Variants in ACIN1 observed in about 807,000 individuals in gnomAD.
The protein encoded by ACIN1 is apoptotic chromatin condensation inducer 1.
A neutral mutation model predicts 146.6 loss-of-function variants in ACIN1; 16 were observed. That is an observed-to-expected ratio of 0.11 (90% CI 0.07 to 0.17). The LOEUF is 0.17. Among genes scored for constraint, ACIN1 ranks in the 10% least tolerant of loss-of-function variants. The probability of loss-of-function intolerance (pLI) is 1.00; values close to 1 mark genes in which losing one functional copy is unlikely to be tolerated. For synonymous variants in ACIN1, 569 were observed against 582.7 expected (o/e 0.98, Z 0.34); for missense variants, 1,357 against 1,609.3 (o/e 0.84, Z 2.68).
chr14:23,073,445 T>A (rs1316283016), intron 8 of ACIN1, among the ~76,000 whole-genome samples: 2 of 152,204 alleles, frequency 1.3e-5, no homozygotes, highest in Non-Finnish European at 2.9e-5. Context: ...TTTGGGAGGC[T>A]GAGGTGGGCG....
At position 23,080,051 on chromosome 14, in the gene ACIN1, G is replaced by C; in HGVS notation, c.1284C>G (p.Thr428=). 6.2e-7 allele frequency: 1 copy of C among 1,614,100 alleles called. No individual in the cohort carries two copies. The highest frequency in any genetic ancestry group is 8.5e-7 in the Non-Finnish European group (1 of 1,180,010). The part of the protein sequence containing the change: ...GLSPLSSPSD[T]KAESPAEKVP... ...CTTTCTCTGCTGGAGATTCTGCTTTGGTGTCTGAAGGACTTGACAAAGGAG... is the reference window on the plus strand; with the variant it reads ...CTTTCTCTGCTGGAGATTCTGCTTTCGTGTCTGAAGGACTTGACAAAGGAG... The change falls in exon 6 of 19, where the codon ACC becomes ACG. Residue 428 remains threonine, a synonymous_variant. Transcript: ENST00000605057.
chr14:23,067,668 A>G lies in ACIN1; in HGVS notation c.2266-1660T>C. ...GCAGTCCCTGATGAGATGGCCTGTG[A>G]GTAGCAGGAATGATCCTTGCCTTTT... On this transcript the variant is annotated intron_variant, in intron 9 of 18. Coordinates refer to ENST00000605057, the MANE Select transcript of ACIN1 (RefSeq NM_001386863.1). The surrounding 1 kb of genome is among the most constrained non-coding windows in gnomAD (Gnocchi z 4.6). 1.0e-6 allele frequency: 1 copy of G among 985,890 alleles called. No individual in the cohort carries two copies. The highest frequency in any genetic ancestry group is 1.2e-6 in the Non-Finnish European group (1 of 829,966). 61.1% of individuals were successfully genotyped at this position (985,890 alleles called of 1,614,324 possible).
chr14:23,084,096 G>A (rs977252307), intron 4 of ACIN1, among the ~76,000 whole-genome samples: 2 of 151,852 alleles, frequency 1.3e-5, no homozygotes, highest in African/African-American at 2.4e-5. Context: ...ACAGGCGCCC[G>A]CCACCACGCC....
chr14:23,062,577 A>G (rs2047322976), intron 14 of ACIN1, 54 bp from the exon 15 acceptor site: 3 of 1,480,262 alleles, frequency 2.0e-6, no homozygotes, highest in South Asian at 2.3e-5. Context: ...CCACCACCCA[A>G]TCTTTAGATT....
rs983131193 is a variant in ACIN1 at position 23,067,727 on chromosome 14, A to G, written c.2266-1719T>C. The G allele has an allele frequency of 1.7e-5, 17 of 985,872 alleles. No individual in the cohort carries two copies. The highest frequency in any genetic ancestry group is 1.9e-5 in the Non-Finnish European group (16 of 830,048). 61.1% of individuals were successfully genotyped at this position (985,872 alleles called of 1,614,324 possible). On this transcript the variant is annotated intron_variant, in intron 9 of 18. Coordinates refer to ENST00000605057, the MANE Select transcript of ACIN1 (RefSeq NM_001386863.1). This position sits in a 1 kb window ranked among gnomAD's most constrained non-coding sequence, Gnocchi z 4.6. Reference sequence around the variant, plus strand: ...AGGCAGGCAGGACCCTATGTCCACCAGTGGCAAGCTGCAGCAATAACACCA... The same window carrying G: ...AGGCAGGCAGGACCCTATGTCCACCGGTGGCAAGCTGCAGCAATAACACCA...
chr14:23,063,347 G>A (rs1299910801), intron 13 of ACIN1, 89 bp downstream of exon 13: 1 of 1,489,284 alleles, frequency 6.7e-7, no homozygotes, highest in East Asian at 2.3e-5. Context: ...ATGAAAGGCA[G>A]GAAACATTCA....
intron 4 of ACIN1, 111 bp downstream of exon 4, chr14:23,089,869 CAG>C: frequency 7.5e-7 from 1 of 1,333,920 alleles, no homozygotes; most frequent in South Asian, 1.9e-5. Flanking sequence ...ATCAATGTCA[CAG>C]AATTTCCCTG....
At chr14:23,082,534 C>A (rs1024312269) in intron 4 of ACIN1, among the ~76,000 whole-genome samples, 8 of 151,344 alleles carry the variant, frequency 5.3e-5, no homozygotes, top group African/African-American at 1.9e-4. Context: ...GACCTCTGCC[C>A]CCTGGCTTCA....
intron 12 of ACIN1, 81 bp from the exon 13 acceptor site, chr14:23,063,658 GAGT>G: frequency 1.3e-6 from 2 of 1,513,812 alleles, no homozygotes; most frequent in Admixed American, 3.5e-5. Context: ...TCCCCGGTAA[GAGT>G]AGCAGTCAAT....
chr14:23,060,255 C>G (rs1048494534), intron 18 of ACIN1, among the ~76,000 whole-genome samples: 4 of 152,152 alleles, frequency 2.6e-5, no homozygotes, highest in Non-Finnish European at 5.9e-5. Context: ...AGGCATGAGC[C>G]ACCATGCCTA....
At chr14:23,065,855 G>T (rs1409563870) in intron 10 of ACIN1, 111 bp downstream of exon 10, 4 of 970,112 alleles carry the variant, frequency 4.1e-6, no homozygotes, top group East Asian at 4.8e-5. Flanking sequence ...CAAGGGGTGG[G>T]GCAGGAGGGA....
chr14:23,084,641 T>C (rs1444303256), intron 4 of ACIN1, among the ~76,000 whole-genome samples: 2 of 146,524 alleles, frequency 1.4e-5, no homozygotes, highest in Non-Finnish European at 3.0e-5. Flanking sequence ...AAACCCAAAA[T>C]GAAACTAATG....
chr14:23,061,943 C>T (rs1208942722), intron 16 of ACIN1, among the ~76,000 whole-genome samples: 1 of 132,690 alleles, frequency 7.5e-6, no homozygotes, highest in Non-Finnish European at 1.5e-5. Flanking sequence ...CACTGCACTC[C>T]AGCCTGGGAG....
chr14:23,069,439 C>T, intron 9 of ACIN1, 37 bp downstream of exon 9: 1 of 1,603,152 alleles, frequency 6.2e-7, no homozygotes, highest in South Asian at 1.1e-5. Context: ...AGGTCCATTC[C>T]TGCCCACCCG....
chr14:23,061,153 C>A lies in ACIN1; in HGVS notation c.3456G>T (p.Leu1152=). Residue 1152 remains leucine (L), a synonymous_variant, in exon 18 of 19, where the codon CTG becomes CTT. Transcript: ENST00000605057. The stretch of plus-strand genomic sequence containing the variant: ...TGGTCTTTCGGAAAAGGTCATCCAG[C>A]AGCTTGGCAGGTGGTTCCTCCTGGG... ...EKAQEEPPAK[L]LDDLFRKTKA... The A allele has an allele frequency of 1.2e-6, 2 of 1,614,156 alleles. No individual in the cohort carries two copies. The highest frequency in any genetic ancestry group is 1.7e-6 in the Non-Finnish European group (2 of 1,180,022).
In ACIN1 at chr14:23,068,152, C is replaced by A. The variant is rs2047515785; in HGVS notation, c.2265+1324G>T. 3.0e-6 allele frequency: 3 copies of A among 985,818 alleles called. No individual in the cohort carries two copies. Among genetic ancestry groups the A allele is most frequent in the South Asian group, 9.4e-5 (2 of 21,286 alleles). The allele number at this position is 985,818 out of a possible 1,614,324, so 61.1% of individuals were successfully genotyped here. A position where few individuals can be genotyped will look rare whatever the true frequency, so the allele number is the denominator to read the frequency against. Reference sequence around the variant, plus strand: ...AGCATTAAATCCCCAGGGGCTCAGACCCTAGACTCCTCTGCACGGTTCCTA... The same window carrying A: ...AGCATTAAATCCCCAGGGGCTCAGAACCTAGACTCCTCTGCACGGTTCCTA... On this transcript the variant is annotated intron_variant, in intron 9 of 18. Transcript: ENST00000605057. This position sits in a 1 kb window ranked among gnomAD's most constrained non-coding sequence, Gnocchi z 4.3.
At chr14:23,089,849 G>T in intron 4 of ACIN1, 133 bp downstream of exon 4, 5 of 1,233,132 alleles carry the variant, frequency 4.1e-6, no homozygotes, top group Non-Finnish European at 5.4e-6. Context: ...ATGAGAAACA[G>T]ATGTCAAATA....
intron 4 of ACIN1, among the ~76,000 whole-genome samples, chr14:23,088,629 T>C (rs1423066944): frequency 6.7e-6 from 1 of 149,660 alleles, no homozygotes; most frequent in Non-Finnish European, 1.5e-5. Flanking sequence ...AAAACACTGA[T>C]TATGGTGGAT....
chr14:23,062,158 G>C lies in ACIN1; in HGVS notation c.3099+10C>G. ...GCCCCTCCTCTCTTTCCTCTCCCTA[G>C]GTTTCTTACCTCATCTTGCTCGGCA... is the stretch of plus-strand genomic sequence containing the variant. On this transcript the variant is annotated intron_variant, in intron 16 of 18. Transcript: ENST00000605057. The C allele has an allele frequency of 1.9e-6, 3 of 1,611,456 alleles. No homozygotes were observed. Among genetic ancestry groups the C allele is most frequent in the Non-Finnish European group, 2.5e-6 (3 of 1,177,776 alleles).
Sources: allele counts gnomAD v4.1 joint callset (sites outside exome capture counted in the v4.1 genomes callset), GRCh38; gene constraint gnomAD v4.1.1; non-coding constraint Gnocchi (gnomAD v3.1); transcripts MANE v1.5; gene names NCBI Gene and HGNC (gene_info 2026-07-23, HGNC 2026-07-21).